The following PDE1C variants were observed in gnomAD, a reference collection of about 807,000 sequenced individuals.
PDE1C encodes phosphodiesterase 1C.
In PDE1C, 62 loss-of-function variants were observed where a neutral mutation model predicts 93.1. The ratio of observed to expected loss-of-function variants is 0.67; its 90% CI spans 0.54 to 0.82. PDE1C has a LOEUF of 0.82. Among genes scored for constraint, PDE1C ranks in the 40% least tolerant of loss-of-function variants. PDE1C has a pLI of 0.00. For synonymous variants in PDE1C, 325 were observed against 310.1 expected (o/e 1.05, Z -0.50); for missense variants, 742 against 884.6 (o/e 0.84, Z 2.04).
At chr7:32,284,895 T>A (rs1585077965) in intron 1 of PDE1C, among the ~76,000 whole-genome samples, 1 of 152,036 alleles carries the variant, frequency 6.6e-6, no homozygotes, top group African/African-American at 2.4e-5. Flanking sequence ...CCAGGCATGA[T>A]GGTGGGTGCC....
At chr7:32,000,146 A>G (rs1016179999) in intron 2 of PDE1C, among the ~76,000 whole-genome samples, 1 of 152,180 alleles carries the variant, frequency 6.6e-6, no homozygotes, top group Non-Finnish European at 1.5e-5. Context: ...CAGTATAACT[A>G]GACTGTACTA....
chr7:32,340,695 T>C (rs1003834775), intron 1 of PDE1C, among the ~76,000 whole-genome samples: 3 of 152,284 alleles, frequency 2.0e-5, no homozygotes, highest in East Asian at 3.9e-4. Context: ...TGAAAAGACA[T>C]TGAAGAAACT....
chr7:32,145,733 TTTA>T (rs1800795282), intron 3 of PDE1C, among the ~76,000 whole-genome samples: 1 of 152,158 alleles, frequency 6.6e-6, no homozygotes, highest in African/African-American at 2.4e-5. Context: ...CTCTATTTAT[TTTA>T]TTTTCACCAT....
chr7:31,950,742 A>C (rs1396810615), intron 2 of PDE1C, among the ~76,000 whole-genome samples: 1 of 152,230 alleles, frequency 6.6e-6, no homozygotes, highest in Non-Finnish European at 1.5e-5. Flanking sequence ...ACCAATCCAC[A>C]GTGAACATTA....
intron 2 of PDE1C, among the ~76,000 whole-genome samples, chr7:32,195,427 T>C (rs762824833): frequency 6.6e-6 from 1 of 152,236 alleles, no homozygotes; most frequent in Non-Finnish European, 1.5e-5. Context: ...TCTACCCTTT[T>C]AGCACTTGAA....
chr7:31,854,327 A>G (rs997203738), intron 7 of PDE1C, among the ~76,000 whole-genome samples: 3 of 152,182 alleles, frequency 2.0e-5, no homozygotes, highest in Non-Finnish European at 2.9e-5. Context: ...GCCTCTTCCA[A>G]ATTAACTACT....
At chr7:32,034,328 C>T (rs189001870) in intron 2 of PDE1C, among the ~76,000 whole-genome samples, 43 of 152,240 alleles carry the variant, frequency 2.8e-4, no homozygotes, top group African/African-American at 1.0e-3. Flanking sequence ...CCCCACTCCC[C>T]CTACCCATTA....
At chr7:31,669,333 G>A in the PDE1C span, among the ~76,000 whole-genome samples, 1 of 151,954 alleles carries the variant, frequency 6.6e-6, no homozygotes, top group Non-Finnish European at 1.5e-5. Context: ...CAAGACACTA[G>A]CCAAAATATT....
chr7:31,770,690 A>G (rs553842174), intron 17 of PDE1C, among the ~76,000 whole-genome samples: 1 of 152,102 alleles, frequency 6.6e-6, no homozygotes, highest in African/African-American at 2.4e-5. Context: ...TTTGTATTTT[A>G]GTAGAGATGG....
the PDE1C span, among the ~76,000 whole-genome samples, chr7:31,731,774 G>C: frequency 1.3e-5 from 1 of 77,268 alleles, no homozygotes; most frequent in Non-Finnish European, 2.5e-5. Context: ...CCTTCCCCCA[G>C]GCTAATCTCT....
intron 3 of PDE1C, among the ~76,000 whole-genome samples, chr7:32,119,905 G>T (rs1799201085): frequency 6.6e-6 from 1 of 152,224 alleles, no homozygotes; most frequent in Non-Finnish European, 1.5e-5. Context: ...CACAGCTGTG[G>T]CTGCCTGCTG....
At chr7:32,422,077 A>G (rs1210360705) in intron 1 of PDE1C, among the ~76,000 whole-genome samples, 1 of 152,218 alleles carries the variant, frequency 6.6e-6, no homozygotes, top group African/African-American at 2.4e-5. Context: ...TGGGGAAAGC[A>G]GTTCCTAGAG....
At chr7:32,006,354 T>C (rs1368088450) in intron 2 of PDE1C, among the ~76,000 whole-genome samples, 2 of 152,212 alleles carry the variant, frequency 1.3e-5, no homozygotes, top group Non-Finnish European at 1.5e-5. Context: ...TTGTCTTATT[T>C]ATCTTAAAAT....
At chr7:31,991,372 A>G (rs551146643) in intron 2 of PDE1C, among the ~76,000 whole-genome samples, 48 of 152,316 alleles carry the variant, frequency 3.2e-4, no homozygotes, top group Non-Finnish European at 5.9e-4. Flanking sequence ...GAGTCAAGCA[A>G]TGTCTCTGAG....
intron 9 of PDE1C, among the ~76,000 whole-genome samples, chr7:31,840,587 G>A (rs529127611): frequency 5.7e-4 from 87 of 152,058 alleles, no homozygotes; most frequent in African/African-American, 1.9e-3. Context: ...TAGCTTTTAC[G>A]TTTAGGTTTA....
chr7:31,674,562 A>C, the PDE1C span, among the ~76,000 whole-genome samples: 1 of 152,290 alleles, frequency 6.6e-6, no homozygotes, highest in Middle Eastern at 3.4e-3. Context: ...ATGTGTTGAT[A>C]TAGAGATAGA....
chr7:32,077,673 G>C (rs1267556181), intron 3 of PDE1C, among the ~76,000 whole-genome samples: 2 of 151,962 alleles, frequency 1.3e-5, no homozygotes, highest in African/African-American at 4.8e-5. Context: ...CCAGGTTCAA[G>C]CAATTCTCTG....
chr7:31,924,123 G>A (rs1053782582), intron 2 of PDE1C, among the ~76,000 whole-genome samples: 11 of 152,034 alleles, frequency 7.2e-5, no homozygotes, highest in African/African-American at 2.6e-4. Context: ...GATAAATTAG[G>A]ATCTCCCAAA....
chr7:31,872,187 CAG>C (rs1796025841), intron 6 of PDE1C, among the ~76,000 whole-genome samples: 2 of 152,122 alleles, frequency 1.3e-5, no homozygotes, highest in Admixed American at 1.3e-4. Flanking sequence ...CTTATGCAGT[CAG>C]AGAGTAGAAT....
Sources: allele counts gnomAD v4.1 joint callset (sites outside exome capture counted in the v4.1 genomes callset), GRCh38; gene constraint gnomAD v4.1.1; transcripts MANE v1.5; gene names NCBI Gene and HGNC (gene_info 2026-07-23, HGNC 2026-07-21).